Variants in USP37 observed in about 807,000 individuals in gnomAD.
USP37 encodes the protein ubiquitin carboxyl-terminal hydrolase 37.
Under a neutral mutation model 124.0 loss-of-function variants are expected in USP37, and 27 were observed. The ratio of observed to expected loss-of-function variants is 0.22; its 90% confidence interval spans 0.16 to 0.30. The LOEUF (loss-of-function observed/expected upper bound fraction) is 0.30, where lower values mean the gene tolerates loss of function less well. USP37 is among the 10% of genes least tolerant of loss of function. The pLI, the probability that USP37 is intolerant of heterozygous loss-of-function variation, is 1.00. For synonymous variants in USP37, 365 were observed against 388.0 expected (o/e 0.94, Z 0.70); for missense variants, 889 against 1,140.4 (o/e 0.78, Z 3.17).
intron 24 of USP37, among the ~76,000 whole-genome samples, chr2:218,456,208 G>A (rs1052452901): frequency 2.6e-5 from 4 of 152,142 alleles, no homozygotes; most frequent in African/African-American, 9.7e-5. Context: ...CAGCACTTTG[G>A]GAGGCCAAGG....
intron 20 of USP37, among the ~76,000 whole-genome samples, chr2:218,473,573 C>A (rs191232441): frequency 6.6e-6 from 1 of 152,116 alleles, no homozygotes. Flanking sequence ...GTACCTGAAA[C>A]ACATTAGCAA....
At chr2:218,566,863 C>A (rs1313031403) in intron 1 of USP37, among the ~76,000 whole-genome samples, 1 of 152,162 alleles carries the variant, frequency 6.6e-6, no homozygotes, top group African/African-American at 2.4e-5. Flanking sequence ...GAATGCCTCC[C>A]AAGTGTGTAG....
chr2:218,497,962 A>G, intron 12 of USP37, 64 bp downstream of exon 12: 1 of 1,567,838 alleles, frequency 6.4e-7, no homozygotes, highest in Non-Finnish European at 8.6e-7. Flanking sequence ...AGTGTCTAAA[A>G]TTCCATTATT....
chr2:218,547,738 A>C (rs975841747), intron 6 of USP37, among the ~76,000 whole-genome samples: 4 of 152,192 alleles, frequency 2.6e-5, no homozygotes, highest in Admixed American at 2.6e-4. Context: ...TGCCAACAAA[A>C]CAGTCATGAC....
At chr2:218,554,255 G>C (rs1180284406) in intron 4 of USP37, among the ~76,000 whole-genome samples, 2 of 152,166 alleles carry the variant, frequency 1.3e-5, no homozygotes, top group Non-Finnish European at 2.9e-5. Context: ...CTTAGTCACA[G>C]TTTTCAAGAA....
intron 16 of USP37, among the ~76,000 whole-genome samples, chr2:218,485,339 A>G (rs560303802): frequency 1.0e-3 from 154 of 151,956 alleles, no homozygotes; most frequent in Non-Finnish European, 1.9e-3. Context: ...TCTTTTGTAG[A>G]GATGGGGTTT....
chr2:218,485,429 C>A (rs1574866816), intron 16 of USP37, among the ~76,000 whole-genome samples: 1 of 152,062 alleles, frequency 6.6e-6, no homozygotes, highest in African/African-American at 2.4e-5. Flanking sequence ...GCTAGGATTA[C>A]AGGCGTGAGC....
At chr2:218,558,474 T>C (rs1259578742) in intron 4 of USP37, 24 bp downstream of exon 4, 2 of 1,602,214 alleles carry the variant, frequency 1.2e-6, no homozygotes, top group Non-Finnish European at 1.7e-6. Flanking sequence ...TCAAGAGCTA[T>C]TCCAAATCAA....
At chr2:218,515,244 T>C (rs570618541) in intron 10 of USP37, among the ~76,000 whole-genome samples, 20 of 151,842 alleles carry the variant, frequency 1.3e-4, no homozygotes, top group African/African-American at 4.8e-4. Flanking sequence ...GCCAAGACAA[T>C]CCTAAGCAAA....
intron 16 of USP37, among the ~76,000 whole-genome samples, chr2:218,483,650 A>AT (rs920466289): frequency 8.6e-5 from 13 of 151,540 alleles, no homozygotes; most frequent in Non-Finnish European, 1.5e-4. Flanking sequence ...TCCCCTTAGC[A>AT]TTTTTTTCCC....
chr2:218,511,253 T>C (rs1470977775), intron 10 of USP37, among the ~76,000 whole-genome samples: 2 of 152,120 alleles, frequency 1.3e-5, no homozygotes, highest in East Asian at 3.9e-4. Flanking sequence ...GAGTCTTGTG[T>C]CTCAGCCTCC....
Position 218,457,154 on chromosome 2 carries a change from T to G in USP37, c.2651A>C (p.Asn884Thr). ...GATGAGCCGGTACGAATGAGGCAGA[T>G]TTCCTGTCTGGAAAACAGAAGTGGG... ...EELKRNAETG[N>T]LPHSYRLISV... The change falls in exon 24 of 26, where the codon AAT becomes ACT. Residue 884 changes from asparagine to threonine, a missense_variant. Physicochemically the swap from Asn to Thr is moderately conservative, Grantham distance 65 (BLOSUM62 0). Coordinates refer to ENST00000258399, the MANE Select transcript of USP37 (RefSeq NM_020935.3). 1.2e-6 allele frequency: 2 copies of G among 1,613,752 alleles called. No homozygotes were observed. Among genetic ancestry groups the G allele is most frequent in the Admixed American group, 3.3e-5 (2 of 59,956 alleles).
intron 14 of USP37, 82 bp downstream of exon 14, chr2:218,495,678 G>T: frequency 7.1e-7 from 1 of 1,417,830 alleles, no homozygotes; most frequent in Non-Finnish European, 9.5e-7. Context: ...AAGAATTCAT[G>T]GCATTTGGTA....
intron 10 of USP37, chr2:218,528,765 C>T (rs1475666549): frequency 9.8e-6 from 2 of 204,484 alleles, no homozygotes; most frequent in African/African-American, 6.3e-5. Flanking sequence ...TCAACAAGTG[C>T]TTAGCAGGTA....
Position 218,549,806 on chromosome 2 carries a change from T to C in USP37, c.429+3A>G, listed in dbSNP as rs530343455. ...AATGCTAAAAAGATTCAAATGAACATACCTGATTGTCTGAGTAAGAAAGCT... is the reference window on the plus strand; with the variant it reads ...AATGCTAAAAAGATTCAAATGAACACACCTGATTGTCTGAGTAAGAAAGCT... On this transcript the variant is annotated splice_donor_region_variant and intron_variant, in intron 6 of 25. Coordinates refer to ENST00000258399, the MANE Select transcript of USP37 (RefSeq NM_020935.3). 1.2e-5 allele frequency: 19 copies of C among 1,611,346 alleles called. No homozygotes were observed. In the South Asian group the frequency reaches 1.5e-4, roughly 13 times the overall value.
intron 19 of USP37, 104 bp downstream of exon 19, chr2:218,476,736 T>C: frequency 7.8e-7 from 1 of 1,283,346 alleles, no homozygotes; most frequent in Non-Finnish European, 1.0e-6. Flanking sequence ...GAGAAGGCAT[T>C]TTCTTTAAAA....
At chr2:218,461,511 G>GAA (rs141283321) in intron 22 of USP37, among the ~76,000 whole-genome samples, 8 of 142,436 alleles carry the variant, frequency 5.6e-5, no homozygotes, top group South Asian at 2.2e-4. Context: ...CATCTCAAAA[G>GAA]AAAAAAAAAA....
intron 11 of USP37, among the ~76,000 whole-genome samples, chr2:218,504,919 C>T (rs1179509738): frequency 1.3e-5 from 2 of 152,056 alleles, no homozygotes; most frequent in Non-Finnish European, 2.9e-5. Context: ...TTGACTCACA[C>T]CTATTACTTT....
intron 10 of USP37, among the ~76,000 whole-genome samples, chr2:218,527,032 C>T (rs541860): frequency 0.64 from 97,581 of 151,296 alleles, 31,758 homozygotes; most frequent in East Asian, 0.9. Context: ...TCGTGATCCA[C>T]CCGCCTCGGC....
Sources: allele counts gnomAD v4.1 joint callset (sites outside exome capture counted in the v4.1 genomes callset), GRCh38; gene constraint gnomAD v4.1.1; transcripts MANE v1.5; gene names NCBI Gene and HGNC (gene_info 2026-07-23, HGNC 2026-07-21).